Variants in BMPR2 observed in about 807,000 individuals in gnomAD.
BMPR2 encodes bone morphogenetic protein receptor type-2.
BMPR2 carries 29 observed loss-of-function variants against 100.8 expected under a neutral mutation model. The ratio of observed to expected loss-of-function variants is 0.29; its 90% CI spans 0.21 to 0.39. The LOEUF is 0.39. Ranked by LOEUF, BMPR2 falls within the 10% of genes least tolerant of loss-of-function variation. BMPR2 has a pLI of 1.00. For synonymous variants in BMPR2, 382 were observed against 442.3 expected (o/e 0.86, Z 1.71); for missense variants, 1,011 against 1,274.5 (o/e 0.79, Z 3.15).
chr2:202,534,716 G>C (rs1160076597), intron 9 of BMPR2, among the ~76,000 whole-genome samples: 6 of 151,870 alleles, frequency 4.0e-5, no homozygotes, highest in African/African-American at 1.2e-4. Context: ...CACCTTTCCC[G>C]CCTTTCTATT....
chr2:202,405,554 G>T (rs1418457244), intron 1 of BMPR2, among the ~76,000 whole-genome samples: 1 of 151,888 alleles, frequency 6.6e-6, no homozygotes, highest in Non-Finnish European at 1.5e-5. Flanking sequence ...TGGGTGTGGT[G>T]GCGGGCACCC....
At chr2:202,541,696 A>G (rs1161395758) in intron 9 of BMPR2, among the ~76,000 whole-genome samples, 1 of 152,204 alleles carries the variant, frequency 6.6e-6, no homozygotes, top group African/African-American at 2.4e-5. Context: ...TTATAAACAT[A>G]ATAGTCTTTT....
At chr2:202,553,813 C>G (rs1291139038) in intron 11 of BMPR2, among the ~76,000 whole-genome samples, 3 of 152,044 alleles carry the variant, frequency 2.0e-5, no homozygotes, top group Non-Finnish European at 2.9e-5. Context: ...CTCGGCCTCC[C>G]GAGTAGCTGA....
In BMPR2 at chr2:202,503,244, TC is replaced by T. The variant is rs1687441168; in HGVS notation, c.419-10474del. Among the ~76,000 whole-genome samples the T allele has an allele frequency of 6.6e-6, 1 of 152,244 alleles. No individual in the cohort carries two copies. The highest frequency in any genetic ancestry group is 2.4e-5 in the African/African-American group (1 of 41,474). ...TGCTGGCAGTCCTCACAGCCCTCGCTCACTCTCAGCGCCTCTGCCTGGGCTC... is the reference window on the plus strand; with the variant it reads ...TGCTGGCAGTCCTCACAGCCCTCGCTACTCTCAGCGCCTCTGCCTGGGCTC... On this transcript the variant is annotated intron_variant, in intron 3 of 12. Coordinates refer to ENST00000374580, the MANE Select transcript of BMPR2 (RefSeq NM_001204.7). This position sits in a 1 kb window ranked among gnomAD's most constrained non-coding sequence, Gnocchi z 4.0.
At chr2:202,399,977 G>T (rs1690736943) in intron 1 of BMPR2, among the ~76,000 whole-genome samples, 1 of 152,128 alleles carries the variant, frequency 6.6e-6, no homozygotes, top group Non-Finnish European at 1.5e-5. Flanking sequence ...AGGGTGTGAT[G>T]GCACTCACCT....
intron 1 of BMPR2, among the ~76,000 whole-genome samples, chr2:202,396,395 G>A (rs969665279): frequency 1.3e-5 from 2 of 152,224 alleles, no homozygotes; most frequent in African/African-American, 4.8e-5. Context: ...TGTAAGGGGA[G>A]TATAGATGGT....
intron 9 of BMPR2, among the ~76,000 whole-genome samples, chr2:202,538,974 G>T (rs918325982): frequency 6.6e-6 from 1 of 152,100 alleles, no homozygotes; most frequent in African/African-American, 2.4e-5. Flanking sequence ...TCTACATAGA[G>T]ATGGTAACTG....
intron 1 of BMPR2, among the ~76,000 whole-genome samples, chr2:202,444,548 T>C (rs1235924918): frequency 2.0e-5 from 3 of 150,814 alleles, no homozygotes; most frequent in South Asian, 2.1e-4. Flanking sequence ...TTAAAGACTT[T>C]AGTTAGATGT....
Position 202,447,504 on chromosome 2 carries a change from C to T in BMPR2, c.77-17305C>T, listed in dbSNP as rs902382461. Among the ~76,000 whole-genome samples, 7 of 150,456 alleles carry T rather than the reference C, an allele frequency of 4.7e-5. 2 individuals carry two copies. Among genetic ancestry groups the T allele is most frequent in the African/African-American group, 1.8e-4 (7 of 39,830 alleles). ...CTAGCTTGTGCAAGAGGGCGAGACCCCATCTCTACAAAATGTGTTTTAAAA... is the reference window on the plus strand; with the variant it reads ...CTAGCTTGTGCAAGAGGGCGAGACCTCATCTCTACAAAATGTGTTTTAAAA... On this transcript the variant is annotated intron_variant, in intron 1 of 12. Coordinates refer to ENST00000374580, the MANE Select transcript of BMPR2 (RefSeq NM_001204.7).
intron 3 of BMPR2, among the ~76,000 whole-genome samples, chr2:202,500,329 T>C (rs1464596504): frequency 6.6e-6 from 1 of 152,226 alleles, no homozygotes; most frequent in African/African-American, 2.4e-5. Flanking sequence ...CTTTGCTCTT[T>C]TCACATGCCT....
intron 9 of BMPR2, among the ~76,000 whole-genome samples, chr2:202,534,525 A>G (rs1376242938): frequency 6.6e-6 from 1 of 152,162 alleles, no homozygotes; most frequent in Non-Finnish European, 1.5e-5. Context: ...CCCTTAATCC[A>G]TTTAACCCTG....
chr2:202,451,237 CAATTATAG>C (rs1197128837), intron 1 of BMPR2, among the ~76,000 whole-genome samples: 3 of 152,140 alleles, frequency 2.0e-5, no homozygotes, highest in Non-Finnish European at 4.4e-5. Flanking sequence ...TCCTACTTTT[CAATTATAG>C]GTTATGCCTA....
At chr2:202,390,336 T>G (rs1191404427) in intron 1 of BMPR2, among the ~76,000 whole-genome samples, 1 of 149,366 alleles carries the variant, frequency 6.7e-6, no homozygotes. Context: ...CTTTCGTGTT[T>G]TTTTTTTTTT....
chr2:202,403,298 C>T (rs980138457), intron 1 of BMPR2, among the ~76,000 whole-genome samples: 4 of 150,622 alleles, frequency 2.7e-5, no homozygotes, highest in Non-Finnish European at 5.9e-5. Context: ...CTCCCGGGTT[C>T]AAGCAATTCT....
chr2:202,465,726 C>T (rs940962821), intron 2 of BMPR2, among the ~76,000 whole-genome samples: 10 of 151,810 alleles, frequency 6.6e-5, no homozygotes, highest in Admixed American at 1.3e-4. Flanking sequence ...GGCGTGGTGG[C>T]GGGCGCCTGT....
chr2:202,422,534 G>C (rs189368946), intron 1 of BMPR2, among the ~76,000 whole-genome samples: 47 of 151,476 alleles, frequency 3.1e-4, no homozygotes, highest in African/African-American at 1.1e-3. Context: ...TCTCGATCTC[G>C]TGACCTCATG....
intron 1 of BMPR2, among the ~76,000 whole-genome samples, chr2:202,462,975 G>A (rs1178498477): frequency 1.3e-5 from 2 of 152,086 alleles, no homozygotes; most frequent in Admixed American, 1.3e-4. Flanking sequence ...GCCTCCCAAA[G>A]TGCCTGGGAT....
chr2:202,492,329 TG>T (rs1407978960), intron 3 of BMPR2, among the ~76,000 whole-genome samples: 1 of 152,040 alleles, frequency 6.6e-6, no homozygotes, highest in East Asian at 1.9e-4. Flanking sequence ...AACATTTTCG[TG>T]TATAATGCTT....
chr2:202,398,403 C>T (rs373329312), intron 1 of BMPR2, among the ~76,000 whole-genome samples: 1 of 152,016 alleles, frequency 6.6e-6, no homozygotes. Context: ...TTAAAAAAAG[C>T]TATATGTGAA....
Sources: allele counts gnomAD v4.1 joint callset (sites outside exome capture counted in the v4.1 genomes callset), GRCh38; gene constraint gnomAD v4.1.1; non-coding constraint Gnocchi (gnomAD v3.1); transcripts MANE v1.5; gene names NCBI Gene and HGNC (gene_info 2026-07-23, HGNC 2026-07-21).